AXIN1: variants seen among roughly 807,000 people sequenced by gnomAD.
The protein encoded by AXIN1 is axin 1, also known as axin-1.
AXIN1 carries 30 observed loss-of-function variants against 76.4 expected under a neutral mutation model. The ratio of observed to expected loss-of-function variants is 0.39; its 90% CI spans 0.29 to 0.53. The LOEUF (loss-of-function observed/expected upper bound fraction) is 0.53, where lower values mean the gene tolerates loss of function less well. Ranked by LOEUF, AXIN1 falls within the 20% of genes least tolerant of loss-of-function variation. The pLI, the probability that AXIN1 is intolerant of heterozygous loss-of-function variation, is 0.66. For missense variants in AXIN1, 1,140 were observed against 1,198.8 expected (o/e 0.95, Z 0.72); for synonymous variants, 545 against 501.4 (o/e 1.09, Z -1.16).
At chr16:300,692 G>A (rs2052845838) in intron 5 of AXIN1, among the ~76,000 whole-genome samples, 1 of 152,172 alleles carries the variant, frequency 6.6e-6, no homozygotes, top group African/African-American at 2.4e-5. Context: ...CAGAGCCGGG[G>A]GACAGGTGGG....
At chr16:312,845 C>G (rs1163097992) in intron 3 of AXIN1, among the ~76,000 whole-genome samples, 2 of 152,208 alleles carry the variant, frequency 1.3e-5, no homozygotes, top group African/African-American at 4.8e-5. Flanking sequence ...ACTTGTTCTC[C>G]TCATCTGAAA....
At chr16:328,651 A>C (rs2053629383) in intron 2 of AXIN1, among the ~76,000 whole-genome samples, 1 of 152,110 alleles carries the variant, frequency 6.6e-6, no homozygotes, top group African/African-American at 2.4e-5. Context: ...AGCCGAGACC[A>C]CACCATTGCT....
At chr16:324,103 T>C (rs529308125) in intron 2 of AXIN1, among the ~76,000 whole-genome samples, 250 of 151,658 alleles carry the variant, frequency 1.6e-3, no homozygotes, top group South Asian at 8.0e-3. Flanking sequence ...CCCACAAGAG[T>C]CACATCTGAA....
intron 2 of AXIN1, among the ~76,000 whole-genome samples, chr16:321,971 T>C (rs1475419908): frequency 2.6e-5 from 4 of 152,164 alleles, no homozygotes; most frequent in Admixed American, 2.6e-4. Context: ...AGGCTGGAAT[T>C]AGTAAAATGG....
intron 2 of AXIN1, among the ~76,000 whole-genome samples, chr16:328,221 G>A (rs752004445): frequency 6.6e-6 from 1 of 152,092 alleles, no homozygotes; most frequent in Non-Finnish European, 1.5e-5. Context: ...GTGAGACCTC[G>A]TCTCTGCAAA....
chr16:311,220 C>T (rs1386710619), intron 3 of AXIN1, among the ~76,000 whole-genome samples: 6 of 151,630 alleles, frequency 4.0e-5, no homozygotes, highest in African/African-American at 1.2e-4. Flanking sequence ...TTAGTAGAGA[C>T]GGGGTTTCAC....
At chr16:328,861 C>A (rs1291836176) in intron 2 of AXIN1, among the ~76,000 whole-genome samples, 1 of 151,834 alleles carries the variant, frequency 6.6e-6, no homozygotes, top group Non-Finnish European at 1.5e-5. Flanking sequence ...CAGTCCCCCA[C>A]AGACTGAAGC....
At chr16:297,348 TC>T in intron 6 of AXIN1, 122 bp from the exon 7 acceptor site, 1 of 1,311,324 alleles carries the variant, frequency 7.6e-7, no homozygotes, top group Non-Finnish European at 1.1e-6. Flanking sequence ...CCGCCCGCTG[TC>T]CCCTGCCCGC....
rs2052410020 is a variant in AXIN1, at chr16:287,465, A to G, written c.*657T>C. On this transcript the variant is annotated 3_prime_UTR_variant, in exon 11 of 11. Transcript: ENST00000262320. ...GCAGGTTCAAAAACAGTTTTATTTC[A>G]TTATTATCCAAGTACCTTTGAAAAG... 2.4e-6 allele frequency: 1 copy of G among 415,302 alleles called. No individual in the cohort carries two copies. The highest frequency in any genetic ancestry group is 2.0e-5 in the African/African-American group (1 of 49,114). 25.7% of individuals were successfully genotyped at this position (415,302 alleles called of 1,614,324 possible).
intron 7 of AXIN1, among the ~76,000 whole-genome samples, chr16:296,758 G>A (rs552512597): frequency 7.6e-4 from 116 of 152,310 alleles, no homozygotes; most frequent in African/African-American, 2.7e-3. Context: ...GGGTCAGACT[G>A]GAAATGACCT....
In AXIN1 at chr16:336,995, A is replaced by C. The variant is rs555359506; in HGVS notation, c.878+9153T>G. ...AAACCCCGTCTCTACTAAAAACACA[A>C]AAAAATTAGCCGGGCATGGTGGCAG... On this transcript the variant is annotated intron_variant, in intron 2 of 10. Coordinates refer to ENST00000262320, the MANE Select transcript of AXIN1 (RefSeq NM_003502.4). Among the ~76,000 whole-genome samples, 183 of 150,756 alleles carry C rather than the reference A, an allele frequency of 1.2e-3. 1 individual carries two copies. Among genetic ancestry groups the C allele is most frequent in the Non-Finnish European group, 1.8e-3 (119 of 67,588 alleles).
At chr16:303,344 C>T (rs991016056) in intron 5 of AXIN1, among the ~76,000 whole-genome samples, 5 of 151,518 alleles carry the variant, frequency 3.3e-5, no homozygotes, top group African/African-American at 1.2e-4. Context: ...ATCTGCGAGG[C>T]GGGAAGCACA....
Position 294,692 on chromosome 16 carries a change from T to C in AXIN1, c.1956-974A>G, listed in dbSNP as rs542219190. On this transcript the variant is annotated intron_variant, in intron 7 of 10. Transcript: ENST00000262320. Reference sequence around the variant, plus strand: ...ACCACTTGAACCTGGGAGGTGGAGGTTGCAGTGCGTTGACACTGGCCTGTT... The same window carrying C: ...ACCACTTGAACCTGGGAGGTGGAGGCTGCAGTGCGTTGACACTGGCCTGTT... Among the ~76,000 whole-genome samples, 9 of 142,848 alleles carry C rather than the reference T, an allele frequency of 6.3e-5. No individual in the cohort carries two copies. In the East Asian group the frequency reaches 1.4e-3, roughly 23 times the overall value. 93.7% of individuals were successfully genotyped at this position (142,848 alleles called of 152,430 possible).
At chr16:288,962 T>C (rs1241607562) in intron 10 of AXIN1, among the ~76,000 whole-genome samples, 1 of 152,228 alleles carries the variant, frequency 6.6e-6, no homozygotes, top group Admixed American at 6.5e-5. Flanking sequence ...GGGGTCCCTT[T>C]GGACCCTCTC....
chr16:313,021 C>G (rs569905489), intron 3 of AXIN1, among the ~76,000 whole-genome samples: 1 of 150,414 alleles, frequency 6.6e-6, no homozygotes, highest in East Asian at 1.9e-4. Flanking sequence ...CAAAAATAAT[C>G]ATCATCATCA....
intron 2 of AXIN1, among the ~76,000 whole-genome samples, chr16:321,381 G>A (rs750902164): frequency 6.6e-6 from 1 of 152,222 alleles, no homozygotes; most frequent in Non-Finnish European, 1.5e-5. Context: ...GCTCTGCATA[G>A]CACGTGCCCC....
At chr16:331,180 C>T (rs764810520) in intron 2 of AXIN1, among the ~76,000 whole-genome samples, 9 of 152,060 alleles carry the variant, frequency 5.9e-5, no homozygotes, top group South Asian at 2.1e-4. Context: ...CTGAAAGCCA[C>T]GTCTTATTAA....
intron 2 of AXIN1, among the ~76,000 whole-genome samples, chr16:329,684 C>T (rs554225166): frequency 8.5e-5 from 13 of 152,052 alleles, no homozygotes; most frequent in Non-Finnish European, 1.8e-4. Context: ...AGTGCAGTGG[C>T]GCAGTCTTGG....
intron 10 of AXIN1, among the ~76,000 whole-genome samples, chr16:288,853 G>A (rs762620066): frequency 4.6e-5 from 7 of 152,240 alleles, no homozygotes; most frequent in Non-Finnish European, 1.0e-4. Flanking sequence ...AGAGCCTGGA[G>A]ACAAGGTCGG....
Sources: gnomAD v4.1 joint callset for allele counts (sites outside exome capture counted in the v4.1 genomes callset) on GRCh38, gnomAD v4.1.1 for gene constraint, MANE v1.5 for transcripts, NCBI Gene and HGNC (gene_info 2026-07-23, HGNC 2026-07-21) for gene names.